Variants in RNF150 observed in about 807,000 individuals in gnomAD.
RNF150 encodes the protein ring finger protein 150.
A neutral mutation model predicts 39.3 loss-of-function variants in RNF150; 24 were observed. The observed-to-expected ratio is 0.61, with a 90% CI of 0.44 to 0.86. The LOEUF (loss-of-function observed/expected upper bound fraction) is 0.86, where lower values mean the gene tolerates loss of function less well. RNF150 is among the 40% of genes least tolerant of loss of function. The pLI, the probability that RNF150 is intolerant of heterozygous loss-of-function variation, is 0.00. For synonymous variants in RNF150, 255 were observed against 227.3 expected (o/e 1.12, Z -1.10); for missense variants, 502 against 587.8 (o/e 0.85, Z 1.51).
chr4:141,046,126 T>C (rs1377143461), intron 1 of RNF150, among the ~76,000 whole-genome samples: 1 of 152,154 alleles, frequency 6.6e-6, no homozygotes, highest in Non-Finnish European at 1.5e-5. Flanking sequence ...TTTATAATTA[T>C]AGAAATATTG....
chr4:140,921,751 A>G (rs1731160124), intron 5 of RNF150, among the ~76,000 whole-genome samples: 1 of 152,204 alleles, frequency 6.6e-6, no homozygotes, highest in African/African-American at 2.4e-5. Flanking sequence ...CCAGCAGCAC[A>G]TCAAAAAGCT....
intron 6 of RNF150, among the ~76,000 whole-genome samples, chr4:140,871,903 G>GTCTT (rs1728961899): frequency 6.6e-6 from 1 of 152,184 alleles, no homozygotes. Context: ...TTACTATACA[G>GTCTT]TGCAAGGCAA....
intron 1 of RNF150, among the ~76,000 whole-genome samples, chr4:141,107,569 T>A (rs527787682): frequency 3.7e-4 from 57 of 152,180 alleles, no homozygotes; most frequent in South Asian, 1.5e-3. Context: ...CAAAATGAAT[T>A]ACTGATAGAT....
intron 1 of RNF150, among the ~76,000 whole-genome samples, chr4:141,067,396 T>G (rs1336526806): frequency 1.3e-5 from 2 of 152,160 alleles, no homozygotes; most frequent in African/African-American, 4.8e-5. Context: ...TCCAAACAGA[T>G]CAGCTTAATT....
chr4:140,977,340 A>G (rs1376054010), intron 1 of RNF150, among the ~76,000 whole-genome samples: 2 of 152,148 alleles, frequency 1.3e-5, no homozygotes, highest in African/African-American at 4.8e-5. Context: ...CAGGGCACAT[A>G]AGAATTTTAT....
chr4:141,189,519 C>A (rs1042328038), intron 1 of RNF150, among the ~76,000 whole-genome samples: 6 of 152,172 alleles, frequency 3.9e-5, no homozygotes, highest in Non-Finnish European at 8.8e-5. Context: ...CCCCCAGGAG[C>A]TCTGTCCCAG....
At chr4:141,156,417 A>T (rs912617686) in intron 1 of RNF150, among the ~76,000 whole-genome samples, 29 of 151,970 alleles carry the variant, frequency 1.9e-4, no homozygotes, top group Admixed American at 3.3e-4. Context: ...AGTAGGAGGG[A>T]CTACAGGCAT....
Position 140,860,941 on chromosome 4 carries a change from T to A in RNF150, c.*7320A>T, listed in dbSNP as rs1334546229. 1.3e-5 allele frequency: 2 copies of A among 151,978 alleles called. No individual in the cohort carries two copies. The highest frequency in any genetic ancestry group is 2.9e-5 in the Non-Finnish European group (2 of 67,990). The allele number at this position is 151,978 out of a possible 1,614,324, so 9.4% of individuals were successfully genotyped here. The stretch of plus-strand genomic sequence containing the variant: ...AGCTCATGAACATTTTAAAGAACAA[T>A]ACCCATTTTTTTTTCCAGAAAATGG... On this transcript the variant is annotated 3_prime_UTR_variant, in exon 7 of 7. Coordinates refer to ENST00000515673, the MANE Select transcript of RNF150 (RefSeq NM_020724.2).
intron 1 of RNF150, among the ~76,000 whole-genome samples, chr4:141,140,799 G>A (rs1031516318): frequency 6.6e-6 from 1 of 152,130 alleles, no homozygotes; most frequent in Non-Finnish European, 1.5e-5. Flanking sequence ...TTTCTATTTG[G>A]TTGTTTAGAA....
intron 5 of RNF150, among the ~76,000 whole-genome samples, chr4:140,921,048 G>A (rs1332793235): frequency 2.7e-5 from 4 of 150,926 alleles, no homozygotes; most frequent in African/African-American, 4.9e-5. Context: ...GGCGTGGGAG[G>A]AGGGATAGCA....
chr4:141,003,475 T>C (rs1002401679), intron 1 of RNF150, among the ~76,000 whole-genome samples: 13 of 151,922 alleles, frequency 8.6e-5, no homozygotes, highest in African/African-American at 3.1e-4. Context: ...GGCTTCTACT[T>C]TCTTGCTCTC....
At chr4:140,992,837 G>T (rs779112626) in intron 1 of RNF150, among the ~76,000 whole-genome samples, 1 of 152,092 alleles carries the variant, frequency 6.6e-6, no homozygotes, top group Non-Finnish European at 1.5e-5. Context: ...GGATTTGGCG[G>T]CATGTCAAGG....
intron 1 of RNF150, among the ~76,000 whole-genome samples, chr4:140,988,977 G>T (rs916708192): frequency 6.6e-6 from 1 of 152,070 alleles, no homozygotes; most frequent in Non-Finnish European, 1.5e-5. Flanking sequence ...CACAGGAAGG[G>T]GAACATCACA....
intron 1 of RNF150, among the ~76,000 whole-genome samples, chr4:141,145,234 T>C (rs1315824870): frequency 6.6e-6 from 1 of 152,220 alleles, no homozygotes; most frequent in South Asian, 2.1e-4. Context: ...TAAGATGGTG[T>C]AGAATTTAAA....
At chr4:141,056,128 T>C (rs1736957495) in intron 1 of RNF150, among the ~76,000 whole-genome samples, 1 of 152,218 alleles carries the variant, frequency 6.6e-6, no homozygotes, top group South Asian at 2.1e-4. Flanking sequence ...TATTTTAAGA[T>C]ATCCTGTTAT....
intron 6 of RNF150, among the ~76,000 whole-genome samples, chr4:140,878,886 T>G (rs1246362016): frequency 6.6e-6 from 1 of 152,184 alleles, no homozygotes; most frequent in Non-Finnish European, 1.5e-5. Flanking sequence ...CAGTTTCAGG[T>G]CTTAGATTTA....
At chr4:141,160,084 C>A (rs1727484984) in intron 1 of RNF150, among the ~76,000 whole-genome samples, 1 of 152,122 alleles carries the variant, frequency 6.6e-6, no homozygotes, top group South Asian at 2.1e-4. Context: ...ATTGTCAGGC[C>A]CCACCCCAGA....
intron 6 of RNF150, among the ~76,000 whole-genome samples, chr4:140,910,058 C>T (rs1730533320): frequency 6.6e-6 from 1 of 152,122 alleles, no homozygotes; most frequent in African/African-American, 2.4e-5. Context: ...TGATTTTTTT[C>T]ATTCTTTTTT....
intron 1 of RNF150, among the ~76,000 whole-genome samples, chr4:141,208,413 A>T (rs1728411006): frequency 6.6e-6 from 1 of 152,238 alleles, no homozygotes; most frequent in African/African-American, 2.4e-5. Context: ...CAAAGCACTT[A>T]GCGATTTCAG....
Sources: gnomAD v4.1 joint callset for allele counts (sites outside exome capture counted in the v4.1 genomes callset) on GRCh38, gnomAD v4.1.1 for gene constraint, MANE v1.5 for transcripts, NCBI Gene and HGNC (gene_info 2026-07-23, HGNC 2026-07-21) for gene names.